The following REDIC1 variants were observed in gnomAD, a reference collection of about 807,000 sequenced individuals.
The protein encoded by REDIC1 is HEI10 Interacting Protein 1.
the REDIC1 span, among the ~76,000 whole-genome samples, chr12:39,763,498 A>C: frequency 1.3e-5 from 2 of 152,184 alleles, no homozygotes; most frequent in East Asian, 1.9e-4. Context: ...GGAACTGGGA[A>C]TGTAACAATG....
the REDIC1 span, among the ~76,000 whole-genome samples, chr12:39,730,320 C>T: frequency 6.6e-6 from 1 of 152,184 alleles, no homozygotes; most frequent in Non-Finnish European, 1.5e-5. Context: ...ATATTTAGTG[C>T]TTTCTTCAGG....
chr12:39,843,430 G>T, the REDIC1 span, among the ~76,000 whole-genome samples: 4 of 151,946 alleles, frequency 2.6e-5, no homozygotes, highest in African/African-American at 9.7e-5. Context: ...ATGGCCTTTT[G>T]CAGAAAGAAT....
the REDIC1 span, among the ~76,000 whole-genome samples, chr12:39,666,783 G>A: frequency 6.6e-6 from 1 of 152,060 alleles, no homozygotes; most frequent in Admixed American, 6.5e-5. Context: ...CTTCTTCCTG[G>A]TTTAGTCTTG....
the REDIC1 span, among the ~76,000 whole-genome samples, chr12:39,878,803 T>G: frequency 3.9e-5 from 6 of 152,178 alleles, no homozygotes; most frequent in African/African-American, 1.4e-4. Flanking sequence ...CTAGAGAAAT[T>G]TGCATAACTA....
chr12:39,635,241 C>T, the REDIC1 span, among the ~76,000 whole-genome samples: 1 of 152,100 alleles, frequency 6.6e-6, no homozygotes, highest in Non-Finnish European at 1.5e-5. Context: ...GTGGCGATTC[C>T]TCAAGGATCT....
chr12:39,683,400 C>T, the REDIC1 span: 1 of 1,553,968 alleles, frequency 6.4e-7, no homozygotes, highest in Non-Finnish European at 8.8e-7. Flanking sequence ...TCGGTGCATA[C>T]TTTTATTTTT....
chr12:39,866,199 GA>G, the REDIC1 span, among the ~76,000 whole-genome samples: 1 of 152,160 alleles, frequency 6.6e-6, no homozygotes, highest in African/African-American at 2.4e-5. Context: ...ATTTTAAAAA[GA>G]ACATTGAGAA....
chr12:39,673,136 GCCTCCCTCT>G, the REDIC1 span, among the ~76,000 whole-genome samples: 1 of 152,062 alleles, frequency 6.6e-6, no homozygotes, highest in Non-Finnish European at 1.5e-5. Context: ...CATCTGCCTA[GCCTCCCTCT>G]CCTTCTGTGC....
At chr12:39,792,734 T>G in the REDIC1 span, among the ~76,000 whole-genome samples, 1 of 152,226 alleles carries the variant, frequency 6.6e-6, no homozygotes, top group Admixed American at 6.5e-5. Flanking sequence ...CTGCAAGTAC[T>G]GTATTTTTTT....
chr12:39,837,098 G>T, the REDIC1 span, among the ~76,000 whole-genome samples: 6 of 90,094 alleles, frequency 6.7e-5, no homozygotes, highest in Non-Finnish European at 1.2e-4. Flanking sequence ...TATACTACAA[G>T]GCTACAGTAA....
chr12:39,713,262 A>G, the REDIC1 span, among the ~76,000 whole-genome samples: 1 of 63,944 alleles, frequency 1.6e-5, no homozygotes, highest in Non-Finnish European at 4.3e-5. Flanking sequence ...ACATACGTGT[A>G]TATATGTGTA....
the REDIC1 span, among the ~76,000 whole-genome samples, chr12:39,675,737 G>A: frequency 3.3e-5 from 5 of 152,152 alleles, no homozygotes; most frequent in African/African-American, 9.7e-5. Context: ...GCAGGTGCTG[G>A]TATCCACAGC....
chr12:39,656,634 G>A, the REDIC1 span, among the ~76,000 whole-genome samples: 1 of 152,150 alleles, frequency 6.6e-6, no homozygotes. Flanking sequence ...AGGTATTCCA[G>A]AAGAAGGCAT....
At chr12:39,792,797 T>C in the REDIC1 span, among the ~76,000 whole-genome samples, 2 of 30,796 alleles carry the variant, frequency 6.5e-5, no homozygotes, top group Non-Finnish European at 1.5e-4. Context: ...GCTGGCTGTA[T>C]TTAATGAAAA....
chr12:39,703,656 A>G, the REDIC1 span, among the ~76,000 whole-genome samples: 1 of 152,222 alleles, frequency 6.6e-6, no homozygotes, highest in Non-Finnish European at 1.5e-5. Context: ...AGCTGGAGGA[A>G]TCACACTACC....
chr12:39,634,112 A>G, the REDIC1 span, among the ~76,000 whole-genome samples: 1 of 152,208 alleles, frequency 6.6e-6, no homozygotes, highest in South Asian at 2.1e-4. Context: ...TTCGTTGAGC[A>G]GTGGTTTGTA....
the REDIC1 span, chr12:39,647,748 T>C: frequency 3.1e-6 from 4 of 1,292,436 alleles, no homozygotes; most frequent in South Asian, 7.0e-5. Context: ...TTCTCTAGTT[T>C]ATATATTTTG....
chr12:39,704,087 G>C, the REDIC1 span, among the ~76,000 whole-genome samples: 8 of 152,176 alleles, frequency 5.3e-5, no homozygotes, highest in Middle Eastern at 3.4e-3. Flanking sequence ...TCTAATTAAA[G>C]TAAAGAGCTT....
the REDIC1 span, among the ~76,000 whole-genome samples, chr12:39,694,144 T>C: frequency 6.6e-6 from 1 of 152,240 alleles, no homozygotes; most frequent in African/African-American, 2.4e-5. Context: ...GCATTTTTTT[T>C]CTTGGTATTT....
Sources: gnomAD v4.1 joint callset for allele counts (sites outside exome capture counted in the v4.1 genomes callset) on GRCh38, gnomAD v4.1.1 for gene constraint, MANE v1.5 for transcripts, NCBI Gene and HGNC (gene_info 2026-07-23, HGNC 2026-07-21) for gene names.